The following PPP2R5C variants were observed in gnomAD, a reference collection of about 807,000 sequenced individuals.
The protein encoded by PPP2R5C is serine/threonine-protein phosphatase 2A 56 kDa regulatory subunit gamma isoform.
PPP2R5C carries 7 observed loss-of-function variants against 68.9 expected under a neutral mutation model. That is an observed-to-expected ratio of 0.10 (90% CI 0.06 to 0.19). The LOEUF (loss-of-function observed/expected upper bound fraction) is 0.19, where lower values mean the gene tolerates loss of function less well. Among genes scored for constraint, PPP2R5C ranks in the 10% least tolerant of loss-of-function variants. PPP2R5C has a pLI of 1.00. For missense variants in PPP2R5C, 348 were observed against 641.3 expected, an observed-to-expected ratio of 0.54 and a Z score of 4.94; for synonymous variants, 210 against 222.2, an observed-to-expected ratio of 0.95 and a Z score of 0.49.
At chr14:101,784,711 T>G (rs2038006200) in intron 2 of PPP2R5C, among the ~76,000 whole-genome samples, 1 of 152,122 alleles carries the variant, frequency 6.6e-6, no homozygotes, top group African/African-American at 2.4e-5. Context: ...AGTGACAGCC[T>G]TTTTAAAGAG....
intron 3 of PPP2R5C, chr14:101,789,903 A>G (rs2038282378): frequency 6.6e-6 from 1 of 151,748 alleles, no homozygotes; most frequent in African/African-American, 2.4e-5. Flanking sequence ...TTCTTAGCAC[A>G]GTGCGTCCAT....
intron 8 of PPP2R5C, among the ~76,000 whole-genome samples, chr14:101,897,402 ATT>A (rs56037155): frequency 0.011 from 1,513 of 141,374 alleles, 25 homozygotes; most frequent in African/African-American, 0.037. Context: ...GAGAGGTTGT[ATT>A]TTTTTTTTTT....
chr14:101,899,903 T>C lies in PPP2R5C; in HGVS notation c.853-1816T>C, dbSNP rs2045578440. On this transcript the variant is annotated intron_variant, in intron 8 of 13. Transcript: ENST00000334743. This position sits in a 1 kb window ranked among gnomAD's most constrained non-coding sequence, Gnocchi z 4.2. ...TTCCTTTTTTATTTTTATTTGGCTCTTTTGGGGTTTTTGTTTGTTTGTTAG... is the reference window on the plus strand; with the variant it reads ...TTCCTTTTTTATTTTTATTTGGCTCCTTTGGGGTTTTTGTTTGTTTGTTAG... Among the ~76,000 whole-genome samples, 1 of 152,190 alleles carries C rather than the reference T, an allele frequency of 6.6e-6. No individual in the cohort carries two copies. Among genetic ancestry groups the C allele is most frequent in the South Asian group, 2.1e-4 (1 of 4,824 alleles).
At chr14:101,762,119 G>A (rs1158750022) in intron 1 of PPP2R5C, among the ~76,000 whole-genome samples, 199 bp downstream of exon 1, 1 of 151,352 alleles carries the variant, frequency 6.6e-6, no homozygotes, top group African/African-American at 2.4e-5. Context: ...GGGAGCCCGG[G>A]GATCGCGCCG....
rs1365038814 is a variant in PPP2R5C at position 101,879,922 on chromosome 14, G to T, written c.295-2239G>T. On this transcript the variant is annotated intron_variant, in intron 2 of 13. Transcript: ENST00000334743. The surrounding 1 kb of genome is among the most constrained non-coding windows in gnomAD (Gnocchi z 4.2). ...ATGGCGGCCTGCCCAAAGTGTGTGT[G>T]TGTGTGGCCTTTCCTTAATAGTTGA... Among the ~76,000 whole-genome samples, 1 of 152,246 alleles carries T rather than the reference G, an allele frequency of 6.6e-6. No homozygotes were observed. The highest frequency in any genetic ancestry group is 1.5e-5 in the Non-Finnish European group (1 of 68,046).
chr14:101,861,036 A>G (rs2042707094), intron 2 of PPP2R5C, among the ~76,000 whole-genome samples: 1 of 151,874 alleles, frequency 6.6e-6, no homozygotes. Context: ...CTGTTTTTTC[A>G]ATTAAATTAT....
In PPP2R5C at chr14:101,898,779, A is replaced by G. The variant is rs74675353; in HGVS notation, c.853-2940A>G. Reference sequence around the variant, plus strand: ...TTAGAAAGCAGATTCAATTTCCTACATGTTAAGAACATTCAGACCCTCATG... The same window carrying G: ...TTAGAAAGCAGATTCAATTTCCTACGTGTTAAGAACATTCAGACCCTCATG... On this transcript the variant is annotated intron_variant, in intron 8 of 13. Coordinates refer to ENST00000334743, the Ensembl canonical transcript of PPP2R5C. Among the ~76,000 whole-genome samples, 934 of 152,342 alleles carry G rather than the reference A, an allele frequency of 6.1e-3. 12 individuals carry two copies. Among genetic ancestry groups the G allele is most frequent in the African/African-American group, 0.022 (901 of 41,574 alleles).
chr14:101,844,477 G>C (rs1400975783), intron 1 of PPP2R5C, among the ~76,000 whole-genome samples: 1 of 152,194 alleles, frequency 6.6e-6, no homozygotes, highest in Non-Finnish European at 1.5e-5. Context: ...GGCCCGGTAG[G>C]TCCTGGCACA....
intron 2 of PPP2R5C, among the ~76,000 whole-genome samples, chr14:101,860,681 C>G (rs1488141893): frequency 1.3e-5 from 2 of 152,226 alleles, no homozygotes; most frequent in Non-Finnish European, 2.9e-5. Context: ...TCCATATCCT[C>G]AACACTTGTT....
In PPP2R5C at chr14:101,891,467, C is replaced by T. The variant is rs1329770981; in HGVS notation, c.689+1171C>T. On this transcript the variant is annotated intron_variant, in intron 6 of 13. Coordinates refer to ENST00000334743, the Ensembl canonical transcript of PPP2R5C. This position sits in a 1 kb window ranked among gnomAD's most constrained non-coding sequence, Gnocchi z 4.9. ...GCAGTGAGTGGTGAAGAGGATGCCT[C>T]TCTTACTAGATGTGTGACCATGGGC... Among the ~76,000 whole-genome samples, 2 of 85,650 alleles carry T rather than the reference C, an allele frequency of 2.3e-5. No individual in the cohort carries two copies. Among genetic ancestry groups the T allele is most frequent in the Non-Finnish European group, 4.2e-5 (2 of 47,674 alleles). The allele number at this position is 85,650 out of a possible 152,430, so 56.2% of individuals were successfully genotyped here. A position where few individuals can be genotyped will look rare whatever the true frequency, so the allele number is the denominator to read the frequency against.
At chr14:101,919,087 C>G (rs1273718508) in intron 13 of PPP2R5C, among the ~76,000 whole-genome samples, 1 of 152,222 alleles carries the variant, frequency 6.6e-6, no homozygotes, top group South Asian at 2.1e-4. Context: ...TTGAATGTGA[C>G]TGCTAGAAGA....
At chr14:101,893,689 G>A (rs1341998692) in intron 7 of PPP2R5C, among the ~76,000 whole-genome samples, 1 of 152,220 alleles carries the variant, frequency 6.6e-6, no homozygotes, top group African/African-American at 2.4e-5. Flanking sequence ...GGCGGAGGTT[G>A]CAGTGAGCCG....
intron 11 of PPP2R5C, among the ~76,000 whole-genome samples, chr14:101,910,715 C>T (rs1426541668): frequency 6.6e-6 from 1 of 152,126 alleles, no homozygotes; most frequent in African/African-American, 2.4e-5. Context: ...TGCCTGTAAT[C>T]CCAGCGCTTT....
upstream of PPP2R5C, chr14:101,760,587 G>GCGGGACCAACCAGGAAAGGA (rs2036443816): frequency 1.5e-6 from 1 of 654,136 alleles, no homozygotes; most frequent in African/African-American, 2.0e-5. Context: ...GCTGCGGAGG[G>GCGGGACCAACCAGGAAAGGA]CGGGACCAAC....
rs555304928 is a variant in PPP2R5C at position 101,887,538 on chromosome 14, G to A, written c.630-2699G>A. 1.7e-4 allele frequency among the ~76,000 whole-genome samples: 26 copies of A among 152,330 alleles called. No individual in the cohort carries two copies. In the South Asian group the frequency reaches 5.0e-3, roughly 29 times the overall value. ...GTTCTGCTCCGTGGCGTGTGCTGGG[G>A]CTGGAGTGTTCACAGGGGCTGCTGA... On this transcript the variant is annotated intron_variant, in intron 5 of 13. Transcript: ENST00000334743.
intron 7 of PPP2R5C, 112 bp downstream of exon 9, chr14:101,893,220 C>G: frequency 1.5e-6 from 1 of 657,088 alleles, no homozygotes; most frequent in Non-Finnish European, 2.6e-6. Flanking sequence ...TAGGCCTGTA[C>G]TAACTTTGGT....
intron 1 of PPP2R5C, among the ~76,000 whole-genome samples, chr14:101,762,280 G>A (rs909692425): frequency 6.6e-6 from 1 of 152,166 alleles, no homozygotes; most frequent in Non-Finnish European, 1.5e-5. Context: ...GGCCGCCGAG[G>A]GGGTTCGCAG....
At chr14:101,783,906 C>T (rs543851271) in intron 2 of PPP2R5C, among the ~76,000 whole-genome samples, 7 of 152,294 alleles carry the variant, frequency 4.6e-5, no homozygotes, top group South Asian at 2.1e-4. Context: ...GGAATCAATG[C>T]CAGGGGCACC....
intron 1 of PPP2R5C, chr14:101,810,276 C>T: frequency 2.2e-6 from 1 of 456,066 alleles, no homozygotes; most frequent in South Asian, 2.7e-5. Context: ...TTTCTGCTTT[C>T]TGCTCGCTCT....
Sources: allele counts gnomAD v4.1 joint callset (sites outside exome capture counted in the v4.1 genomes callset), GRCh38; gene constraint gnomAD v4.1.1; non-coding constraint Gnocchi (gnomAD v3.1); transcripts MANE v1.5; gene names NCBI Gene and HGNC (gene_info 2026-07-23, HGNC 2026-07-21).